USP44: variants seen among roughly 807,000 people sequenced by gnomAD.
USP44 encodes the protein ubiquitin carboxyl-terminal hydrolase 44.
In USP44, 61 loss-of-function variants were observed where a neutral mutation model predicts 69.0. The observed-to-expected ratio is 0.88, with a 90% CI of 0.72 to 1.09. USP44 has a LOEUF of 1.09. Ranked by LOEUF, USP44 falls within the 50% of genes least tolerant of loss-of-function variation. The pLI is 0.00. For synonymous variants in USP44, 297 were observed against 295.4 expected (o/e 1.01, Z -0.06); for missense variants, 753 against 849.9 (o/e 0.89, Z 1.42).
At chr12:95,543,118 C>T (rs1225618859) in intron 1 of USP44, among the ~76,000 whole-genome samples, 1 of 148,866 alleles carries the variant, frequency 6.7e-6, no homozygotes, top group Non-Finnish European at 1.5e-5. Flanking sequence ...ATAGTAAGTC[C>T]TGCCGGGCAC....
chr12:95,532,173 T>TG lies in USP44; in HGVS notation c.1428+655_1428+656insC, dbSNP rs1174014662. The stretch of plus-strand genomic sequence containing the variant: ...ATTTTCTTTCTTTCTTTGGGTTTTT[T>TG]TTTTTTTTTTTTGAGACGGAGTCTC... On this transcript the variant is annotated intron_variant, in intron 2 of 5. Coordinates refer to ENST00000258499, the MANE Select transcript of USP44 (RefSeq NM_032147.5). 3.4e-5 allele frequency among the ~76,000 whole-genome samples: 5 copies of TG among 147,636 alleles called. No homozygotes were observed. In the East Asian group the frequency reaches 9.8e-4, roughly 29 times the overall value.
chr12:95,528,486 A>T (rs1345950972), intron 3 of USP44, among the ~76,000 whole-genome samples: 1 of 152,216 alleles, frequency 6.6e-6, no homozygotes, highest in Non-Finnish European at 1.5e-5. Flanking sequence ...CAAGTGTTTC[A>T]TTCATGCTAC....
chr12:95,536,273 C>A (rs1040452695), intron 1 of USP44, among the ~76,000 whole-genome samples: 1 of 151,924 alleles, frequency 6.6e-6, no homozygotes, highest in Non-Finnish European at 1.5e-5. Context: ...GAACTCCTGG[C>A]CTCAAGTGAT....
At chr12:95,536,421 A>G (rs929129789) in intron 1 of USP44, among the ~76,000 whole-genome samples, 5 of 152,134 alleles carry the variant, frequency 3.3e-5, no homozygotes, top group Non-Finnish European at 7.4e-5. Flanking sequence ...AATCTGGTCA[A>G]ATATGGTACT....
At chr12:95,526,355 G>A (rs1403525944) in intron 3 of USP44, among the ~76,000 whole-genome samples, 10 of 152,152 alleles carry the variant, frequency 6.6e-5, no homozygotes, top group Non-Finnish European at 1.3e-4. Context: ...GGTGGATCAC[G>A]AGGTCAGGAG....
At position 95,517,125 on chromosome 12, in the gene USP44, C is replaced by A; in HGVS notation, c.*1029G>T. 6.8e-6 allele frequency: 1 copy of A among 147,138 alleles called. No individual in the cohort carries two copies. The highest frequency in any genetic ancestry group is 6.8e-5 in the Admixed American group (1 of 14,694). 9.1% of individuals were successfully genotyped at this position (147,138 alleles called of 1,614,324 possible). ...TTTTTTTTTTTTTTAATGCTCAGGG[C>A]CAGTGTTTTAAGAGGCTCCTACCTA... is the stretch of plus-strand genomic sequence containing the variant. On this transcript the variant is annotated 3_prime_UTR_variant, in exon 6 of 6. Coordinates refer to ENST00000258499, the MANE Select transcript of USP44 (RefSeq NM_032147.5).
At chr12:95,518,540 G>A (rs1309329794) in intron 5 of USP44, among the ~76,000 whole-genome samples, 187 bp from the exon 6 acceptor site, 1 of 152,186 alleles carries the variant, frequency 6.6e-6, no homozygotes, top group Non-Finnish European at 1.5e-5. Flanking sequence ...AGTAGCTTAA[G>A]TTTTTCACAG....
intron 1 of USP44, among the ~76,000 whole-genome samples, chr12:95,543,169 G>A (rs2140360330): frequency 6.6e-6 from 1 of 151,902 alleles, no homozygotes; most frequent in South Asian, 2.1e-4. Context: ...GGGAGGCTGA[G>A]GCAGGTGGAT....
Position 95,534,240 on chromosome 12 carries a change from G to A in USP44, c.17C>T (p.Thr6Met), listed in dbSNP as rs143724899. The A allele has an allele frequency of 3.4e-5, 54 of 1,609,354 alleles. No individual in the cohort carries two copies. The highest frequency in any genetic ancestry group is 2.0e-4 in the African/African-American group (15 of 74,834). MLAMD[T>M]CKHVGQLQLA... ...CTGCAGCTGCCCAACATGTTTGCAC[G>A]TATCCATTGCTAGCATTTATTTAGT... The change falls in exon 2 of 6, where the codon ACG (threonine) becomes ATG (methionine). Residue 6 changes from threonine to methionine, a missense_variant. Physicochemically the swap from Thr to Met is moderately conservative, Grantham distance 81 (BLOSUM62 -1). Coordinates refer to ENST00000258499, the MANE Select transcript of USP44 (RefSeq NM_032147.5).
intron 1 of USP44, among the ~76,000 whole-genome samples, chr12:95,545,840 T>C (rs970711507): frequency 2.0e-5 from 3 of 152,234 alleles, no homozygotes; most frequent in Non-Finnish European, 4.4e-5. Flanking sequence ...CATGATGTAT[T>C]TCCTTTCCTT....
intron 5 of USP44, among the ~76,000 whole-genome samples, chr12:95,520,034 A>AAAAAAAAAAAAC (rs2076607967): frequency 6.8e-6 from 1 of 147,772 alleles, no homozygotes; most frequent in Non-Finnish European, 1.5e-5. Context: ...AAAAAAAAAA[A>AAAAAAAAAAAAC]AAGCCAATAG....
rs2077084579 is a variant in USP44, at chr12:95,533,286, G to A, written c.971C>T (p.Pro324Leu). ...ATATACTACTGTATCTGTGACTGGT[G>A]GATGCTTACAAGATCTTGTCTTCTC... ...ASEKTRSCKH[P>L]PVTDTVVYQM... Residue 324 changes from proline (P) to leucine (L), a missense_variant, in exon 2 of 6, where the codon CCA becomes CTA. Transcript: ENST00000258499. 6.2e-7 allele frequency: 1 copy of A among 1,614,076 alleles called. No homozygotes were observed. The highest frequency in any genetic ancestry group is 8.5e-7 in the Non-Finnish European group (1 of 1,180,032).
chr12:95,535,931 C>A (rs2077182798), intron 1 of USP44, among the ~76,000 whole-genome samples: 1 of 152,084 alleles, frequency 6.6e-6, no homozygotes, highest in South Asian at 2.1e-4. Context: ...TGGTTCCTTC[C>A]CACCTCTTTT....
intron 1 of USP44, among the ~76,000 whole-genome samples, chr12:95,549,341 G>A (rs541542873): frequency 1.3e-5 from 2 of 152,170 alleles, no homozygotes; most frequent in Non-Finnish European, 2.9e-5. Context: ...AGAAGGGCGA[G>A]AGAGGTTCCA....
rs778958202 is a variant in USP44, at chr12:95,518,265, G to A, written c.2028C>T (p.Thr676=). 6.2e-7 allele frequency: 1 copy of A among 1,614,064 alleles called. No individual in the cohort carries two copies. The highest frequency in any genetic ancestry group is 8.5e-7 in the Non-Finnish European group (1 of 1,180,018). ...AATGTCCATTCTCAGTAACTCGTTG[G>A]GTATAAAACAAGATATAAGCTTGAG... ...CKAQAYILFY[T]QRVTENGHSK... The change falls in exon 6 of 6, where the codon ACC becomes ACT. Residue 676 remains threonine, a synonymous_variant. Transcript: ENST00000258499.
At chr12:95,527,003 C>A (rs1028546694) in intron 3 of USP44, among the ~76,000 whole-genome samples, 7 of 151,966 alleles carry the variant, frequency 4.6e-5, no homozygotes, top group Non-Finnish European at 1.0e-4. Context: ...GTGCACCCAA[C>A]ACCTGAGCAG....
rs1177401272 is a variant in USP44 at position 95,533,128 on chromosome 12, G to A, written c.1129C>T (p.Gln377Ter). ...ELIQPKEPTS[Q>*]YISLCHELHT... Reference sequence around the variant, plus strand: ...AATTCATGACAAAGAGAAATGTACTGTGAAGTTGGCTCCTTTGGCTGAATA... The same window carrying A: ...AATTCATGACAAAGAGAAATGTACTATGAAGTTGGCTCCTTTGGCTGAATA... Residue 377 changes from glutamine to a stop codon, truncating the protein, a stop_gained, in exon 2 of 6, where the codon CAG becomes TAG. Transcript: ENST00000258499. LOFTEE classifies it high-confidence loss of function. 1.2e-6 allele frequency: 2 copies of A among 1,614,090 alleles called. No individual in the cohort carries two copies. The highest frequency in any genetic ancestry group is 1.7e-6 in the Non-Finnish European group (2 of 1,180,052).
At position 95,528,712 on chromosome 12, in the gene USP44, T is replaced by A. The variant is rs2076928237; in HGVS notation, c.1624+95A>T. The A allele has an allele frequency of 3.0e-6, 4 of 1,341,262 alleles. No individual in the cohort carries two copies. The South Asian group carries it at 6.8e-5, about 23-fold the overall frequency. The allele number at this position is 1,341,262 out of a possible 1,614,324, so 83.1% of individuals were successfully genotyped here. ...TTGATGAACTGAAAAAAAGTTCATT[T>A]TCATAACTGCTAAAGATTTCTTTCA... On this transcript the variant is annotated intron_variant, in intron 3 of 5. Transcript: ENST00000258499.
At chr12:95,520,154 G>A (rs916036807) in intron 5 of USP44, among the ~76,000 whole-genome samples, 1 of 151,360 alleles carries the variant, frequency 6.6e-6, no homozygotes, top group African/African-American at 2.4e-5. Flanking sequence ...GTTGGGTGGG[G>A]GTGGGGAGTT....
Sources: allele counts gnomAD v4.1 joint callset (sites outside exome capture counted in the v4.1 genomes callset), GRCh38; gene constraint gnomAD v4.1.1; transcripts MANE v1.5; gene names NCBI Gene and HGNC (gene_info 2026-07-23, HGNC 2026-07-21).